The following DNAH8 variants were observed in gnomAD, a reference collection of about 807,000 sequenced individuals.
DNAH8 encodes dynein axonemal heavy chain 8.
In DNAH8, 382 loss-of-function variants were observed where a neutral mutation model predicts 562.1. The ratio of observed to expected loss-of-function variants is 0.68; its 90% CI spans 0.63 to 0.74. DNAH8 has a LOEUF of 0.74. Among genes scored for constraint, DNAH8 ranks in the 30% least tolerant of loss-of-function variants. The pLI is 0.00. For synonymous variants in DNAH8, 1,881 were observed against 1,919.4 expected (o/e 0.98, Z 0.52); for missense variants, 5,203 against 5,620.4 (o/e 0.93, Z 2.37).
rs942992605 is a variant in DNAH8, at chr6:38,722,656, A to G, written c.-34-120A>G. The G allele has an allele frequency of 6.3e-6, 5 of 796,720 alleles. No homozygotes were observed. The African/African-American group carries it at 8.7e-5, about 14-fold the overall frequency. 49.4% of individuals were successfully genotyped at this position (796,720 alleles called of 1,614,324 possible). ...CCAGCCCCATAAACTAAGCTTCCTT[A>G]GATAATATGGCAAGGGAGAACTTAA... On this transcript the variant is annotated intron_variant, in intron 1 of 92. Coordinates refer to ENST00000327475, the MANE Select transcript of DNAH8 (RefSeq NM_001206927.2).
At chr6:38,719,555 G>A (rs1021162927) in intron 1 of DNAH8, among the ~76,000 whole-genome samples, 1 of 152,110 alleles carries the variant, frequency 6.6e-6, no homozygotes, top group Non-Finnish European at 1.5e-5. Flanking sequence ...TGCTTCAGAG[G>A]ACATGTGTTT....
chr6:38,907,051 G>T (rs1364012458), intron 63 of DNAH8, among the ~76,000 whole-genome samples: 1 of 152,108 alleles, frequency 6.6e-6, no homozygotes. Flanking sequence ...GAAACATTGT[G>T]GTCCCAAGCA....
intron 58 of DNAH8, among the ~76,000 whole-genome samples, chr6:38,892,940 C>T (rs1779436583): frequency 6.6e-6 from 1 of 152,200 alleles, no homozygotes; most frequent in South Asian, 2.1e-4. Flanking sequence ...TCCAATCATC[C>T]TCTAAAGTGA....
intron 88 of DNAH8, among the ~76,000 whole-genome samples, chr6:39,006,902 G>T (rs903575510): frequency 6.6e-6 from 1 of 152,070 alleles, no homozygotes; most frequent in Non-Finnish European, 1.5e-5. Context: ...GATTTATGTA[G>T]GAATTTCCTA....
intron 3 of DNAH8, 30 bp from the exon 4 acceptor site, chr6:38,729,872 T>G: frequency 1.7e-6 from 2 of 1,206,486 alleles, no homozygotes; most frequent in Non-Finnish European, 2.4e-6. Flanking sequence ...CCTTAGTCGT[T>G]TGATTATCAT....
At chr6:38,967,752 T>A (rs2150680718) in intron 82 of DNAH8, among the ~76,000 whole-genome samples, 1 of 152,234 alleles carries the variant, frequency 6.6e-6, no homozygotes, top group East Asian at 1.9e-4. Context: ...CAGCCTTTTT[T>A]AAAAATAGAA....
chr6:38,975,374 G>A (rs947651773), intron 85 of DNAH8, among the ~76,000 whole-genome samples: 5 of 150,770 alleles, frequency 3.3e-5, no homozygotes, highest in African/African-American at 1.2e-4. Context: ...TTCTTTCCTG[G>A]GGTTGGGGTG....
At chr6:38,879,195 C>T (rs959377089) in intron 53 of DNAH8, among the ~76,000 whole-genome samples, 13 of 151,726 alleles carry the variant, frequency 8.6e-5, no homozygotes, top group African/African-American at 1.2e-4. Flanking sequence ...CAAACTCTTC[C>T]AAAAGATATA....
At chr6:38,783,749 A>G (rs999603449) in intron 17 of DNAH8, among the ~76,000 whole-genome samples, 3 of 152,174 alleles carry the variant, frequency 2.0e-5, no homozygotes, top group Non-Finnish European at 2.9e-5. Flanking sequence ...TGTGGGCTCA[A>G]TGGTTGGTCA....
At chr6:38,721,222 G>A (rs998341556) in intron 1 of DNAH8, among the ~76,000 whole-genome samples, 28 of 152,166 alleles carry the variant, frequency 1.8e-4, no homozygotes, top group African/African-American at 6.0e-4. Flanking sequence ...AGGCTGAGGT[G>A]GGAAGATCAC....
chr6:38,846,508 G>A (rs560489689), intron 36 of DNAH8, among the ~76,000 whole-genome samples: 1 of 152,302 alleles, frequency 6.6e-6, no homozygotes, highest in South Asian at 2.1e-4. Context: ...TCACTGGTTA[G>A]TGAGTTGCAT....
intron 30 of DNAH8, among the ~76,000 whole-genome samples, chr6:38,831,366 A>G (rs987395002): frequency 2.0e-5 from 3 of 147,658 alleles, no homozygotes; most frequent in African/African-American, 7.5e-5. Context: ...TTGAGACTGC[A>G]GTGAACTGAG....
At chr6:38,981,362 G>C (rs1764024828) in intron 85 of DNAH8, among the ~76,000 whole-genome samples, 1 of 152,132 alleles carries the variant, frequency 6.6e-6, no homozygotes, top group Admixed American at 6.5e-5. Flanking sequence ...CCTTTAAAAT[G>C]CTCTCTGGAA....
Position 38,807,638 on chromosome 6 carries a change from C to A in DNAH8, c.3179C>A (p.Ser1060Tyr). 1 of 1,556,322 alleles carries A rather than the reference C, an allele frequency of 6.4e-7. No individual in the cohort carries two copies. ...TGTAAAGAGGTCTTTGCTTTTTTCT[C>A]TCATCAATTACTAGACAGTCTTCAA... ...KECKEVFAFF[S>Y]HQLLDSLQKA... Residue 1060 changes from serine to tyrosine, a missense_variant, in exon 24 of 93, where the codon TCT (serine) becomes TAT (tyrosine). Ser to Tyr is a moderately radical substitution (Grantham distance 144). Coordinates refer to ENST00000327475, the MANE Select transcript of DNAH8 (RefSeq NM_001206927.2).
At chr6:38,964,927 G>C (rs1240914957) in intron 82 of DNAH8, among the ~76,000 whole-genome samples, 2 of 152,052 alleles carry the variant, frequency 1.3e-5, no homozygotes, top group African/African-American at 4.8e-5. Context: ...AGTCGGGCGT[G>C]GTGGCACATG....
Position 38,986,637 on chromosome 6 carries a change from G to T in DNAH8, c.13053+2330G>T, listed in dbSNP as rs1764417328. 3.3e-5 allele frequency among the ~76,000 whole-genome samples: 5 copies of T among 152,306 alleles called. No individual in the cohort carries two copies. In the South Asian group the frequency reaches 6.2e-4, roughly 19 times the overall value. ...ATAATTGTAAAAGTATCTAAAATTGGAGTTTTAGCAGCAGAGACTAAGATG... is the reference window on the plus strand; with the variant it reads ...ATAATTGTAAAAGTATCTAAAATTGTAGTTTTAGCAGCAGAGACTAAGATG... On this transcript the variant is annotated intron_variant, in intron 87 of 92. Transcript: ENST00000327475.
At chr6:38,887,580 G>T (rs539285713) in intron 57 of DNAH8, among the ~76,000 whole-genome samples, 6 of 152,056 alleles carry the variant, frequency 3.9e-5, no homozygotes, top group Non-Finnish European at 8.8e-5. Flanking sequence ...GGTGGCACAC[G>T]TCTGTAGTCC....
At chr6:38,878,581 C>T (rs1286661110) in intron 53 of DNAH8, among the ~76,000 whole-genome samples, 1 of 152,032 alleles carries the variant, frequency 6.6e-6, no homozygotes, top group Non-Finnish European at 1.5e-5. Flanking sequence ...TTATTAGAGA[C>T]ATCAGAACAA....
At chr6:39,002,739 G>A (rs1376409182) in intron 88 of DNAH8, among the ~76,000 whole-genome samples, 1 of 152,086 alleles carries the variant, frequency 6.6e-6, no homozygotes, top group African/African-American at 2.4e-5. Context: ...TTAAAAATCA[G>A]GTTTTACTTC....
Sources: gnomAD v4.1 joint callset for allele counts (sites outside exome capture counted in the v4.1 genomes callset) on GRCh38, gnomAD v4.1.1 for gene constraint, MANE v1.5 for transcripts, NCBI Gene and HGNC (gene_info 2026-07-23, HGNC 2026-07-21) for gene names.